The following NDUFAF6 variants were observed in gnomAD, a reference collection of about 807,000 sequenced individuals.
NDUFAF6 encodes NADH dehydrogenase (ubiquinone) complex I, assembly factor 6.
NDUFAF6 carries 45 observed loss-of-function variants against 40.8 expected under a neutral mutation model. The ratio of observed to expected loss-of-function variants is 1.10; its 90% CI spans 0.87 to 1.42. The LOEUF (loss-of-function observed/expected upper bound fraction) is 1.42. Among genes scored for constraint, NDUFAF6 ranks in the 40% most tolerant of loss-of-function variants. NDUFAF6 has a pLI of 0.00. For missense variants in NDUFAF6, 435 were observed against 418.5 expected (o/e 1.04, Z -0.34); for synonymous variants, 185 against 155.9 (o/e 1.19, Z -1.39).
At chr8:95,113,923 G>A (rs1361457125) in intron 4 of NDUFAF6, among the ~76,000 whole-genome samples, 1 of 148,268 alleles carries the variant, frequency 6.7e-6, no homozygotes. Context: ...ACCAAACACC[G>A]CATATTCTCA....
At chr8:95,007,218 A>G (rs1258397061) in intron 2 of NDUFAF6, among the ~76,000 whole-genome samples, 1 of 152,010 alleles carries the variant, frequency 6.6e-6, no homozygotes, top group Non-Finnish European at 1.5e-5. Flanking sequence ...CTGCTTGTAT[A>G]TTAACATTTT....
intron 4 of NDUFAF6, among the ~76,000 whole-genome samples, chr8:95,114,668 T>A (rs930412714): frequency 6.6e-6 from 1 of 152,226 alleles, no homozygotes; most frequent in Non-Finnish European, 1.5e-5. Flanking sequence ...TTCTATAATC[T>A]CTTTCATTCA....
chr8:95,088,420 C>T (rs1263830955), intron 2 of NDUFAF6, among the ~76,000 whole-genome samples: 1 of 152,172 alleles, frequency 6.6e-6, no homozygotes, highest in Non-Finnish European at 1.5e-5. Flanking sequence ...AATATTCTTC[C>T]ATTGGGGGCT....
chr8:95,024,982 G>C, upstream of NDUFAF6: 1 of 1,302,510 alleles, frequency 7.7e-7, no homozygotes, highest in East Asian at 3.1e-5. Context: ...GACGGCGGGG[G>C]GTCGAAGGGC....
intron 2 of NDUFAF6, among the ~76,000 whole-genome samples, chr8:95,081,444 A>G (rs532352294): frequency 8.0e-4 from 122 of 152,012 alleles, no homozygotes; most frequent in African/African-American, 2.7e-3. Context: ...TACTGGGATT[A>G]CAGGCCTGAG....
At chr8:95,037,948 A>G (rs1156940811) in intron 3 of NDUFAF6, among the ~76,000 whole-genome samples, 2 of 152,222 alleles carry the variant, frequency 1.3e-5, no homozygotes, top group Non-Finnish European at 2.9e-5. Flanking sequence ...CAGTGGTGCA[A>G]ACATGGCTCA....
chr8:95,002,152 C>T (rs1826765438), intron 2 of NDUFAF6, among the ~76,000 whole-genome samples: 1 of 152,192 alleles, frequency 6.6e-6, no homozygotes, highest in South Asian at 2.1e-4. Context: ...TATTTGGTTC[C>T]TGATCTACTT....
downstream of NDUFAF6, among the ~76,000 whole-genome samples, chr8:95,061,668 A>G (rs1005248203): frequency 6.6e-6 from 1 of 152,238 alleles, no homozygotes; most frequent in Admixed American, 6.5e-5. Flanking sequence ...GATTAAATTT[A>G]TGGAACAATA....
chr8:94,923,654 A>G (rs1819650546), intron 1 of NDUFAF6, among the ~76,000 whole-genome samples: 2 of 151,250 alleles, frequency 1.3e-5, no homozygotes, highest in African/African-American at 2.4e-5. Context: ...CATGAAGTGT[A>G]GCTTACAATA....
intron 2 of NDUFAF6, among the ~76,000 whole-genome samples, chr8:95,092,745 C>T (rs1442343982): frequency 2.0e-5 from 3 of 152,114 alleles, no homozygotes; most frequent in African/African-American, 7.2e-5. Context: ...CCACCACGCC[C>T]GGCTAATTTT....
At chr8:94,970,568 G>C (rs1381550355) in intron 1 of NDUFAF6, among the ~76,000 whole-genome samples, 1 of 151,860 alleles carries the variant, frequency 6.6e-6, no homozygotes. Context: ...TCCCGCCTGG[G>C]TGACATGTTC....
intron 2 of NDUFAF6, among the ~76,000 whole-genome samples, chr8:95,000,260 C>T (rs1826659183): frequency 6.6e-6 from 1 of 152,148 alleles, no homozygotes; most frequent in African/African-American, 2.4e-5. Context: ...TCACTTGAGT[C>T]TGGGAGGCGG....
At chr8:95,078,937 AC>A (rs1314465271), downstream of NDUFAF6, among the ~76,000 whole-genome samples, 3 of 152,074 alleles carry the variant, frequency 2.0e-5, no homozygotes, top group East Asian at 3.9e-4. Context: ...GTATGGATGC[AC>A]CACAGTTTGT....
chr8:94,902,459 TAATA>T (rs1202407371), intron 1 of NDUFAF6, among the ~76,000 whole-genome samples: 1 of 151,930 alleles, frequency 6.6e-6, no homozygotes, highest in Non-Finnish European at 1.5e-5. Flanking sequence ...TATATAATCT[TAATA>T]AATAGACTTG....
chr8:94,933,519 C>T (rs1820636804), intron 1 of NDUFAF6, among the ~76,000 whole-genome samples: 1 of 152,148 alleles, frequency 6.6e-6, no homozygotes, highest in Non-Finnish European at 1.5e-5. Flanking sequence ...AATCCCAGCA[C>T]TTTGGAAGGC....
chr8:95,096,206 C>A (rs137968127), upstream of NDUFAF6, among the ~76,000 whole-genome samples: 10 of 152,244 alleles, frequency 6.6e-5, no homozygotes, highest in African/African-American at 2.2e-4. Flanking sequence ...AGTTTAGGGG[C>A]AGTGGGTATG....
intron 3 of NDUFAF6, among the ~76,000 whole-genome samples, chr8:95,039,634 AT>A (rs1280081926): frequency 6.7e-6 from 1 of 149,136 alleles, no homozygotes; most frequent in African/African-American, 2.5e-5. Context: ...TTTTATTTCT[AT>A]TTTTTTCCTA....
At position 95,016,273 on chromosome 8, in the gene NDUFAF6, C is replaced by T. The variant is rs1426107355; in HGVS notation, c.-83-15722C>T. ...CTTCAATTGTTTTGCAATCTTTTAA[C>T]ATTTCTGTTTTTATAACTGCATGGT... On this transcript the variant is annotated intron_variant, in intron 2 of 9. Transcript: ENST00000396111. Among the ~76,000 whole-genome samples the T allele has an allele frequency of 5.9e-5, 9 of 152,304 alleles. No individual in the cohort carries two copies. The East Asian group carries it at 1.3e-3, about 23-fold the overall frequency.
At chr8:95,018,210 T>TG (rs1827546954) in intron 2 of NDUFAF6, among the ~76,000 whole-genome samples, 1 of 151,044 alleles carries the variant, frequency 6.6e-6, no homozygotes, top group Non-Finnish European at 1.5e-5. Context: ...TGGCTATTTT[T>TG]TTTTTTTGTA....
Sources: gnomAD v4.1 joint callset for allele counts (sites outside exome capture counted in the v4.1 genomes callset) on GRCh38, gnomAD v4.1.1 for gene constraint, MANE v1.5 for transcripts, NCBI Gene and HGNC (gene_info 2026-07-23, HGNC 2026-07-21) for gene names.